Variants in RBFOX1 observed in about 807,000 individuals in gnomAD.
RBFOX1 encodes RNA binding fox-1 homolog 1.
A neutral mutation model predicts 57.7 loss-of-function variants in RBFOX1; 8 were observed. That is an observed-to-expected ratio of 0.14 (90% CI 0.08 to 0.25). The LOEUF (loss-of-function observed/expected upper bound fraction) is 0.25, where lower values mean the gene tolerates loss of function less well. RBFOX1 is among the 10% of genes least tolerant of loss of function. The probability of loss-of-function intolerance (pLI) is 1.00; values close to 1 mark genes in which losing one functional copy is unlikely to be tolerated. For synonymous variants in RBFOX1, 326 were observed against 222.4 expected (o/e 1.47, Z -4.15); for missense variants, 611 against 548.5 (o/e 1.11, Z -1.14).
Position 6,933,225 on chromosome 16 carries a change from C to T in RBFOX1, c.-15-118832C>T, listed in dbSNP as rs112867421. 6.2e-3 allele frequency among the ~76,000 whole-genome samples: 945 copies of T among 152,284 alleles called. 9 individuals are homozygous for T. The highest frequency in any genetic ancestry group is 0.022 in the African/African-American group (912 of 41,540). On this transcript the variant is annotated intron_variant, in intron 3 of 15. Coordinates refer to ENST00000550418, the MANE Select transcript of RBFOX1 (RefSeq NM_018723.4). The stretch of plus-strand genomic sequence containing the variant: ...GGGAGTGTACAATACCTTTCAGAGT[C>T]CCTGCTTTCAGTTGTCTTGGGTGTA...
chr16:7,656,111 G>A (rs2066238365), intron 12 of RBFOX1, among the ~76,000 whole-genome samples: 1 of 152,180 alleles, frequency 6.6e-6, no homozygotes, highest in African/African-American at 2.4e-5. Flanking sequence ...AGTATGGCTG[G>A]CATTCTAAAG....
At chr16:7,439,949 C>CTTTTTTT (rs144449326) in intron 4 of RBFOX1, among the ~76,000 whole-genome samples, 2 of 94,060 alleles carry the variant, frequency 2.1e-5, no homozygotes, top group Non-Finnish European at 5.1e-5. Flanking sequence ...TCTTTTCTTT[C>CTTTTTTT]TTTTTTTTTT....
intron 3 of RBFOX1, among the ~76,000 whole-genome samples, chr16:5,821,299 T>TA (rs199538838): frequency 5.4e-5 from 8 of 146,926 alleles, no homozygotes; most frequent in African/African-American, 2.0e-4. Context: ...TTTTTTTATT[T>TA]TTTTTTTTTT....
intron 4 of RBFOX1, among the ~76,000 whole-genome samples, chr16:7,512,126 T>C (rs1056303326): frequency 3.3e-5 from 5 of 152,120 alleles, no homozygotes; most frequent in African/African-American, 7.2e-5. Flanking sequence ...GGGTTTGGCA[T>C]TGGAGTAGAA....
chr16:6,620,977 G>T (rs1016738235), intron 2 of RBFOX1, among the ~76,000 whole-genome samples: 1 of 152,216 alleles, frequency 6.6e-6, no homozygotes. Context: ...CTGAAATCAG[G>T]ATGTCAGCAG....
intron 2 of RBFOX1, among the ~76,000 whole-genome samples, chr16:6,382,166 G>C (rs993666737): frequency 7.2e-5 from 11 of 152,204 alleles, no homozygotes; most frequent in Non-Finnish European, 1.5e-5. Context: ...TTGAAGAATA[G>C]TATTCTTGTG....
chr16:5,350,534 A>G (rs567688352), intron 1 of RBFOX1, among the ~76,000 whole-genome samples: 2 of 152,232 alleles, frequency 1.3e-5, no homozygotes, highest in East Asian at 1.9e-4. Context: ...TCTTTCTGCA[A>G]TTGGCTCCCA....
At chr16:7,489,315 G>A (rs1389171407) in intron 4 of RBFOX1, among the ~76,000 whole-genome samples, 1 of 152,148 alleles carries the variant, frequency 6.6e-6, no homozygotes, top group East Asian at 1.9e-4. Context: ...GGAACTGCCT[G>A]AGGTACCTTT....
At position 5,653,500 on chromosome 16, in the gene RBFOX1, G is replaced by A. The variant is rs1474997191; in HGVS notation, c.318+54539G>A. Among the ~76,000 whole-genome samples, 2 of 151,476 alleles carry A rather than the reference G, an allele frequency of 1.3e-5. 1 individual carries two copies. The highest frequency in any genetic ancestry group is 4.9e-5 in the African/African-American group (2 of 41,210). On this transcript the variant is annotated intron_variant, in intron 3 of 19. Coordinates refer to the RBFOX1 transcript ENST00000641259. ...GCTGAGCCGTGTGCTGCGTCTTTGA[G>A]GAAGTTGGGGTGCGGAGCCGTGTGC...
chr16:5,592,219 C>G (rs1042052264), intron 2 of RBFOX1, among the ~76,000 whole-genome samples: 6 of 151,970 alleles, frequency 3.9e-5, no homozygotes, highest in Non-Finnish European at 7.4e-5. Flanking sequence ...TGGGGCGAAG[C>G]TCTTTATAAA....
At chr16:6,620,033 A>G (rs1008352041) in intron 2 of RBFOX1, among the ~76,000 whole-genome samples, 3 of 152,214 alleles carry the variant, frequency 2.0e-5, no homozygotes, top group Admixed American at 6.5e-5. Context: ...TGCAAAGGAC[A>G]TAATCTTATT....
intron 3 of RBFOX1, among the ~76,000 whole-genome samples, chr16:5,759,379 C>G (rs538573718): frequency 6.6e-6 from 1 of 152,186 alleles, no homozygotes; most frequent in Non-Finnish European, 1.5e-5. Flanking sequence ...GGATCCTCCT[C>G]CACGTCTCTC....
intron 4 of RBFOX1, among the ~76,000 whole-genome samples, chr16:7,421,500 C>G (rs1013411840): frequency 2.6e-5 from 4 of 152,160 alleles, no homozygotes; most frequent in African/African-American, 9.7e-5. Context: ...GTGACATTTC[C>G]CAGGCACAGC....
intron 4 of RBFOX1, among the ~76,000 whole-genome samples, chr16:7,262,519 C>A (rs1394127545): frequency 6.6e-6 from 1 of 152,262 alleles, no homozygotes; most frequent in East Asian, 1.9e-4. Flanking sequence ...CTGCAATGAG[C>A]CACATTTGCA....
At chr16:6,767,949 A>ATAATAATAATAAT (rs1491137745) in intron 3 of RBFOX1, among the ~76,000 whole-genome samples, 1,641 of 74,432 alleles carry the variant, frequency 0.022, 9 homozygotes, top group African/African-American at 0.031. Context: ...AATAATAATA[A>ATAATAATAATAAT]GAAGAAGAAG....
intron 3 of RBFOX1, among the ~76,000 whole-genome samples, chr16:5,633,178 C>CTG: frequency 1.3e-5 from 2 of 151,984 alleles, no homozygotes; most frequent in South Asian, 4.2e-4. Context: ...ACCTCGTGAT[C>CTG]CAGCTGCCTC....
intron 4 of RBFOX1, among the ~76,000 whole-genome samples, chr16:7,297,543 T>C (rs1372722120): frequency 6.6e-6 from 1 of 152,190 alleles, no homozygotes; most frequent in Non-Finnish European, 1.5e-5. Flanking sequence ...TCCATTCCCT[T>C]TTTTGTTGTG....
At chr16:6,451,944 C>G (rs577779608) in intron 2 of RBFOX1, among the ~76,000 whole-genome samples, 1 of 148,012 alleles carries the variant, frequency 6.8e-6, no homozygotes, top group Admixed American at 6.7e-5. Context: ...CCCCTCCCTC[C>G]CATGAGTCCA....
intron 7 of RBFOX1, among the ~76,000 whole-genome samples, chr16:7,591,397 T>C (rs570716129): frequency 1.3e-5 from 2 of 152,142 alleles, no homozygotes; most frequent in Non-Finnish European, 2.9e-5. Flanking sequence ...TATTTAAGTC[T>C]TTAACATATA....
Sources: allele counts gnomAD v4.1 joint callset (sites outside exome capture counted in the v4.1 genomes callset), GRCh38; gene constraint gnomAD v4.1.1; transcripts MANE v1.5; gene names NCBI Gene and HGNC (gene_info 2026-07-23, HGNC 2026-07-21).